PRMT8: variants seen among roughly 807,000 people sequenced by gnomAD.
PRMT8 encodes protein arginine methyltransferase 8, also known as protein arginine N-methyltransferase 8.
PRMT8 carries 7 observed loss-of-function variants against 47.1 expected under a neutral mutation model. The observed-to-expected ratio is 0.15, with a 90% CI of 0.08 to 0.28. PRMT8 has a LOEUF of 0.28. Ranked by LOEUF, PRMT8 falls within the 10% of genes least tolerant of loss-of-function variation. PRMT8 has a pLI of 1.00. For synonymous variants in PRMT8, 188 were observed against 186.5 expected (o/e 1.01, Z -0.07); for missense variants, 237 against 505.4 (o/e 0.47, Z 5.09).
intron 1 of PRMT8, among the ~76,000 whole-genome samples, chr12:3,403,802 G>A (rs1446595216): frequency 1.3e-5 from 2 of 150,188 alleles, no homozygotes; most frequent in East Asian, 2.0e-4. Context: ...ACTTGAATTC[G>A]GGAGGTGGAG....
intron 1 of PRMT8, among the ~76,000 whole-genome samples, chr12:3,511,018 G>T (rs952154228): frequency 4.6e-5 from 7 of 152,186 alleles, no homozygotes; most frequent in Non-Finnish European, 8.8e-5. Context: ...TGGATGAAAT[G>T]ATCCCCATCT....
intron 1 of PRMT8, among the ~76,000 whole-genome samples, chr12:3,423,887 C>T (rs1262328436): frequency 6.6e-6 from 1 of 152,060 alleles, no homozygotes; most frequent in African/African-American, 2.4e-5. Flanking sequence ...CAATATTGTC[C>T]AATAATTGAG....
chr12:3,474,726 C>T (rs1465651679), intron 1 of PRMT8, among the ~76,000 whole-genome samples: 1 of 152,166 alleles, frequency 6.6e-6, no homozygotes, highest in Non-Finnish European at 1.5e-5. Context: ...AGTCTGCTTG[C>T]CCCCATAAGG....
At chr12:3,536,385 G>A (rs1591590885) in intron 1 of PRMT8, among the ~76,000 whole-genome samples, 1 of 152,126 alleles carries the variant, frequency 6.6e-6, no homozygotes, top group African/African-American at 2.4e-5. Context: ...GCATCCTTTT[G>A]CCTCCTGCAT....
intron 1 of PRMT8, among the ~76,000 whole-genome samples, chr12:3,495,664 C>A (rs1865493782): frequency 6.6e-6 from 1 of 151,950 alleles, no homozygotes; most frequent in Non-Finnish European, 1.5e-5. Context: ...AGATAATGCA[C>A]TTTTTTTTGA....
chr12:3,478,588 A>G (rs1865241875), intron 1 of PRMT8, among the ~76,000 whole-genome samples: 1 of 152,242 alleles, frequency 6.6e-6, no homozygotes, highest in East Asian at 1.9e-4. Flanking sequence ...CAGCAGAGGA[A>G]GAAGATACAC....
intron 1 of PRMT8, among the ~76,000 whole-genome samples, chr12:3,512,482 G>A (rs750616414): frequency 6.6e-6 from 1 of 151,934 alleles, no homozygotes; most frequent in South Asian, 2.1e-4. Flanking sequence ...TTCTCTCCTT[G>A]TCTGCCTGTC....
chr12:3,569,775 G>C lies in PRMT8; in HGVS notation c.712+211G>C, dbSNP rs1357678090. On this transcript the variant is annotated intron_variant, in intron 6 of 9. Transcript: ENST00000382622. The surrounding 1 kb of genome is among the most constrained non-coding windows in gnomAD (Gnocchi z 8.2). ...CTACAGACAGAAAATAAGCCATATG[G>C]CTGGGATGAGAGAAATGTCCTGGGG... Among the ~76,000 whole-genome samples the C allele has an allele frequency of 1.3e-5, 2 of 152,182 alleles. No individual in the cohort carries two copies. The highest frequency in any genetic ancestry group is 2.9e-5 in the Non-Finnish European group (2 of 68,034).
At chr12:3,395,926 T>C (rs911222688) in intron 1 of PRMT8, among the ~76,000 whole-genome samples, 5 of 152,244 alleles carry the variant, frequency 3.3e-5, no homozygotes, top group Middle Eastern at 3.4e-3. Context: ...TTTAGGATAG[T>C]TAGCTCTTCT....
chr12:3,489,855 ACACT>A (rs1284923572), upstream of PRMT8, among the ~76,000 whole-genome samples: 10 of 151,574 alleles, frequency 6.6e-5, no homozygotes, highest in Non-Finnish European at 1.5e-4. Flanking sequence ...ACACACACAC[ACACT>A]CAAGCCTCTT....
At position 3,535,175 on chromosome 12, in the gene PRMT8, A is replaced by T. The variant is rs1001463714; in HGVS notation, c.76-5431A>T. Among the ~76,000 whole-genome samples the T allele has an allele frequency of 1.3e-5, 2 of 152,204 alleles. No individual in the cohort carries two copies. Among genetic ancestry groups the T allele is most frequent in the African/African-American group, 4.8e-5 (2 of 41,440 alleles). On this transcript the variant is annotated intron_variant, in intron 1 of 9. Coordinates refer to ENST00000382622, the MANE Select transcript of PRMT8 (RefSeq NM_019854.5). This position sits in a 1 kb window ranked among gnomAD's most constrained non-coding sequence, Gnocchi z 4.7. ...CCTTCAAGGACGAGCTCACAAGCTC[A>T]CATGCCCCTTCTTCAGGAAGCCAGC...
Position 3,569,237 on chromosome 12 carries a change from TA to T in PRMT8, c.625-239del, listed in dbSNP as rs1327434073. On this transcript the variant is annotated intron_variant, in intron 5 of 9. Transcript: ENST00000382622. The surrounding 1 kb of genome is among the most constrained non-coding windows in gnomAD (Gnocchi z 8.2). Reference sequence around the variant, plus strand: ...ATCTCTCACTGCTCCTCACTGGATTTACCTTCACCTCACCTCATTTGTCCTA... The same window carrying T: ...ATCTCTCACTGCTCCTCACTGGATTTCCTTCACCTCACCTCATTTGTCCTA... Among the ~76,000 whole-genome samples the T allele has an allele frequency of 6.6e-6, 1 of 152,202 alleles. No individual in the cohort carries two copies. The highest frequency in any genetic ancestry group is 2.4e-5 in the African/African-American group (1 of 41,454).
At chr12:3,559,589 A>G (rs1162383297) in intron 4 of PRMT8, among the ~76,000 whole-genome samples, 18 of 151,728 alleles carry the variant, frequency 1.2e-4, no homozygotes. Context: ...CCATATTTCT[A>G]CCTCCTTTCT....
intron 4 of PRMT8, among the ~76,000 whole-genome samples, chr12:3,565,334 G>A (rs1007080620): frequency 6.6e-6 from 1 of 152,122 alleles, no homozygotes; most frequent in Non-Finnish European, 1.5e-5. Flanking sequence ...CCTGGAACAA[G>A]AGCGTAAGTT....
chr12:3,558,881 GATTT>G (rs1866574513), intron 4 of PRMT8, among the ~76,000 whole-genome samples: 1 of 152,106 alleles, frequency 6.6e-6, no homozygotes, highest in African/African-American at 2.4e-5. Flanking sequence ...TAATTAGTAA[GATTT>G]TCTGGGGGAG....
At position 3,565,434 on chromosome 12, in the gene PRMT8, A is replaced by G. The variant is rs1591605659; in HGVS notation, c.482-3272A>G. ...ATAAATGGAGTCTAAAAGCCAGTCC[A>G]GCACTGGATTGAAGGGAGATGGGTC... On this transcript the variant is annotated intron_variant, in intron 4 of 9. Coordinates refer to ENST00000382622, the MANE Select transcript of PRMT8 (RefSeq NM_019854.5). Among the ~76,000 whole-genome samples the G allele has an allele frequency of 5.3e-5, 8 of 152,356 alleles. No homozygotes were observed. The South Asian group carries it at 1.7e-3, about 32-fold the overall frequency.
chr12:3,406,346 G>A (rs1357109758), intron 1 of PRMT8, among the ~76,000 whole-genome samples: 1 of 152,248 alleles, frequency 6.6e-6, no homozygotes, highest in Admixed American at 6.5e-5. Flanking sequence ...TTGCCCTGGA[G>A]ACATTTTCCT....
intron 1 of PRMT8, among the ~76,000 whole-genome samples, chr12:3,533,830 G>A (rs1211121106): frequency 1.3e-5 from 2 of 152,264 alleles, no homozygotes; most frequent in East Asian, 3.8e-4. Flanking sequence ...GCTGCTGCCT[G>A]ACATTTCACA....
chr12:3,581,357 G>C (rs147006264), intron 7 of PRMT8, among the ~76,000 whole-genome samples: 1 of 152,288 alleles, frequency 6.6e-6, no homozygotes, highest in African/African-American at 2.4e-5. Context: ...GTTACAGAGG[G>C]ATGAGTGTGA....
Sources: gnomAD v4.1 joint callset for allele counts (sites outside exome capture counted in the v4.1 genomes callset) on GRCh38, gnomAD v4.1.1 for gene constraint, Gnocchi (gnomAD v3.1) non-coding constraint, MANE v1.5 for transcripts, NCBI Gene and HGNC (gene_info 2026-07-23, HGNC 2026-07-21) for gene names.